RGS3: variants seen among roughly 807,000 people sequenced by gnomAD.
RGS3 encodes the protein regulator of G protein signaling 3, also known as regulator of G-protein signalling 3.
In RGS3, 80 loss-of-function variants were observed where a neutral mutation model predicts 132.6. That is an observed-to-expected ratio of 0.60 (90% CI 0.50 to 0.73). The LOEUF is 0.73. Ranked by LOEUF, RGS3 falls within the 30% of genes least tolerant of loss-of-function variation. The pLI is 0.00. For synonymous variants in RGS3, 598 were observed against 620.6 expected (o/e 0.96, Z 0.54); for missense variants, 1,382 against 1,530.8 (o/e 0.90, Z 1.62).
At chr9:113,550,261 G>T (rs1273082414) in intron 19 of RGS3, among the ~76,000 whole-genome samples, 1 of 152,240 alleles carries the variant, frequency 6.6e-6, no homozygotes, top group African/African-American at 2.4e-5. Flanking sequence ...TACTGGGGAG[G>T]CTGAGGTGGG....
upstream of RGS3, among the ~76,000 whole-genome samples, chr9:113,457,016 A>T (rs1829377282): frequency 6.6e-6 from 1 of 152,116 alleles, no homozygotes; most frequent in African/African-American, 2.4e-5. Context: ...GGCTGGTCTC[A>T]AACTCCTGAA....
At chr9:113,482,965 G>C (rs148565639) in intron 4 of RGS3, 94 bp from the exon 3 acceptor site, 71 of 1,602,966 alleles carry the variant, frequency 4.4e-5, no homozygotes, top group Non-Finnish European at 5.9e-5. Context: ...CTCTTTATTC[G>C]TGTGGATGGA....
intron 1 of RGS3, among the ~76,000 whole-genome samples, chr9:113,447,563 A>G (rs1829141319): frequency 6.7e-6 from 1 of 149,942 alleles, no homozygotes; most frequent in African/African-American, 2.5e-5. Flanking sequence ...TTTTTAAAAA[A>G]CTCTTCTCTG....
chr9:113,589,429 C>G (rs1260999720), intron 20 of RGS3, among the ~76,000 whole-genome samples: 1 of 152,156 alleles, frequency 6.6e-6, no homozygotes, highest in Non-Finnish European at 1.5e-5. Context: ...GCTGCCCAGC[C>G]CCTCTGTCAG....
chr9:113,583,504 G>A, exon 20 of RGS3: 1 of 1,614,206 alleles, frequency 6.2e-7, no homozygotes, highest in South Asian at 1.1e-5. Context: ...GGAAGGGAAG[G>A]GGCCTGGTGC....
At chr9:113,582,241 G>A in intron 19 of RGS3, 1 of 981,874 alleles carries the variant, frequency 1.0e-6, no homozygotes, top group Non-Finnish European at 1.2e-6. Context: ...GTACAATAGT[G>A]GGTAAGTCAC....
In RGS3 at chr9:113,505,514, G is replaced by GA; in HGVS notation, c.970_971insA (p.Val324AspfsTer23). On this transcript the variant is annotated frameshift_variant, in exon 11 of 25. Coordinates refer to ENST00000350696, the Ensembl canonical transcript of RGS3. LOFTEE classifies it high-confidence loss of function. ...CGACTCTCCAGTTCGAGTCCAGGCC[G>GA]TGGATTCCGGTAAGTTATTGACAGG... 1 of 1,613,974 alleles carries GA rather than the reference G, an allele frequency of 6.2e-7. No homozygotes were observed. The highest frequency in any genetic ancestry group is 8.5e-7 in the Non-Finnish European group (1 of 1,179,816).
chr9:113,459,723 C>T (rs911175896), upstream of RGS3, among the ~76,000 whole-genome samples: 7 of 150,930 alleles, frequency 4.6e-5, no homozygotes, highest in East Asian at 1.9e-4. Flanking sequence ...GGTGACAGAG[C>T]GAGATTCTGT....
At chr9:113,450,162 G>A (rs955319382) in intron 1 of RGS3, among the ~76,000 whole-genome samples, 39 of 151,464 alleles carry the variant, frequency 2.6e-4, no homozygotes, top group Admixed American at 5.9e-4. Flanking sequence ...CTCGCCTCCC[G>A]GGTTCAAGTG....
intron 4 of RGS3, 87 bp downstream of exon 2, chr9:113,479,628 C>A: frequency 8.2e-7 from 1 of 1,224,264 alleles, no homozygotes; most frequent in Non-Finnish European, 1.2e-6. Flanking sequence ...ATGGTGGCAC[C>A]ATGGGCCAAG....
At chr9:113,595,013 C>A (rs1182208760) in intron 23 of RGS3, 33 bp downstream of exon 21, 3 of 1,596,746 alleles carry the variant, frequency 1.9e-6, no homozygotes, top group Non-Finnish European at 2.6e-6. Flanking sequence ...CTCCCTGTGC[C>A]CTCTCTCCCT....
chr9:113,514,985 G>A (rs972892897), intron 15 of RGS3, among the ~76,000 whole-genome samples: 3 of 152,064 alleles, frequency 2.0e-5, no homozygotes, highest in Admixed American at 6.5e-5. Flanking sequence ...CAAAGCTCCC[G>A]CTCCCTGGCT....
At chr9:113,538,571 G>A (rs2118626105) in intron 19 of RGS3, among the ~76,000 whole-genome samples, 1 of 152,288 alleles carries the variant, frequency 6.6e-6, no homozygotes, top group Non-Finnish European at 1.5e-5. Flanking sequence ...AGGTTTGGGA[G>A]GCCAGAGGGT....
At chr9:113,447,335 A>ATATATATATATATGTGTGTG (rs1829132181) in intron 1 of RGS3, among the ~76,000 whole-genome samples, 2 of 73,988 alleles carry the variant, frequency 2.7e-5, no homozygotes, top group African/African-American at 9.6e-5. Context: ...ATATGTATAT[A>ATATATATATATATGTGTGTG]TATATATATA....
chr9:113,588,972 C>A (rs934628298), intron 20 of RGS3: 5 of 152,202 alleles, frequency 3.3e-5, no homozygotes, highest in African/African-American at 9.7e-5. Context: ...GTTATAATTA[C>A]AGTAAGAATT....
rs1427384419 is a variant in RGS3 at position 113,536,605 on chromosome 9, G to A, written c.1915-191G>A. On this transcript the variant is annotated intron_variant, in intron 18 of 24. Transcript: ENST00000350696. ...GCCCACAGCTCGCCAGCTGGCCCTT[G>A]AACCCACTTCCCTGCGCCTCTGGCT... The A allele has an allele frequency of 1.5e-5, 21 of 1,429,462 alleles. No homozygotes were observed. The Admixed American group carries it at 5.1e-4, about 35-fold the overall frequency. 88.5% of individuals were successfully genotyped at this position (1,429,462 alleles called of 1,614,324 possible). A position where few individuals can be genotyped will look rare whatever the true frequency, so the allele number is the denominator to read the frequency against.
At chr9:113,584,087 A>T in exon 20 of RGS3, 1 of 1,613,834 alleles carries the variant, frequency 6.2e-7, no homozygotes, top group African/African-American at 1.3e-5. Context: ...GAGGAGGGGG[A>T]GGAAGGGGAG....
intron 19 of RGS3, among the ~76,000 whole-genome samples, chr9:113,555,570 G>A (rs913846525): frequency 1.3e-5 from 2 of 151,954 alleles, no homozygotes; most frequent in East Asian, 3.9e-4. Context: ...AGGTTCAAGC[G>A]ATTCTCCTAC....
At chr9:113,503,876 T>C (rs1831020925) in intron 10 of RGS3, among the ~76,000 whole-genome samples, 1 of 152,226 alleles carries the variant, frequency 6.6e-6, no homozygotes, top group East Asian at 1.9e-4. Flanking sequence ...CCCCCAGCTT[T>C]CCACACTCGT....
Sources: gnomAD v4.1 joint callset for allele counts (sites outside exome capture counted in the v4.1 genomes callset) on GRCh38, gnomAD v4.1.1 for gene constraint, MANE v1.5 for transcripts, NCBI Gene and HGNC (gene_info 2026-07-23, HGNC 2026-07-21) for gene names.